The following NFATC2 variants were observed in gnomAD, a reference collection of about 807,000 sequenced individuals.
The protein encoded by NFATC2 is nuclear factor of activated T cells 2.
In NFATC2, 22 loss-of-function variants were observed where a neutral mutation model predicts 87.3. The ratio of observed to expected loss-of-function variants is 0.25; its 90% confidence interval spans 0.18 to 0.36. The LOEUF is 0.36. NFATC2 is among the 10% of genes least tolerant of loss of function. The probability of loss-of-function intolerance (pLI) is 1.00; values close to 1 mark genes in which losing one functional copy is unlikely to be tolerated. For synonymous variants in NFATC2, 565 were observed against 542.2 expected, an observed-to-expected ratio of 1.04 and a Z score of -0.58; for missense variants, 1,149 against 1,259.1, an observed-to-expected ratio of 0.91 and a Z score of 1.32.
At chr20:51,505,327 G>A (rs1215318604) in intron 3 of NFATC2, among the ~76,000 whole-genome samples, 2 of 151,344 alleles carry the variant, frequency 1.3e-5, no homozygotes, top group Admixed American at 1.3e-4. Flanking sequence ...GCCATTTCCT[G>A]TACTTTTAAA....
rs142447306 is a variant in NFATC2, at chr20:51,472,199, G to A, written c.1708+1781C>T. ...GAACCCGGGAGGTAGAAGTTGCAGT[G>A]AGCCAAGATCGCACCACGGCACTCC... On this transcript the variant is annotated intron_variant, in intron 5 of 10. Coordinates refer to ENST00000371564, the MANE Select transcript of NFATC2 (RefSeq NM_012340.5). Among the ~76,000 whole-genome samples, 118 of 152,324 alleles carry A rather than the reference G, an allele frequency of 7.7e-4. 1 individual carries two copies. Among genetic ancestry groups the A allele is most frequent in the African/African-American group, 2.6e-3 (106 of 41,564 alleles).
At chr20:51,409,992 C>T (rs563507669) in intron 9 of NFATC2, among the ~76,000 whole-genome samples, 1 of 152,216 alleles carries the variant, frequency 6.6e-6, no homozygotes, top group East Asian at 1.9e-4. Context: ...GGGCGGATCA[C>T]GAGGTCAGGA....
chr20:51,447,462 C>T (rs1026548949), intron 6 of NFATC2, among the ~76,000 whole-genome samples: 5 of 152,358 alleles, frequency 3.3e-5, no homozygotes, highest in South Asian at 2.1e-4. Context: ...GAAGGATTTA[C>T]CAGCCGAAAA....
chr20:51,504,479 C>A (rs2076143894), intron 3 of NFATC2, among the ~76,000 whole-genome samples: 1 of 152,128 alleles, frequency 6.6e-6, no homozygotes, highest in East Asian at 1.9e-4. Flanking sequence ...AATGAGAGCC[C>A]CCAGGAGCAA....
rs758481326 is a variant in NFATC2, at chr20:51,523,182, C to T, written c.1059G>A (p.Gly353=). The T allele has an allele frequency of 2.0e-5, 32 of 1,614,072 alleles. No individual in the cohort carries two copies. In the Admixed American group the frequency reaches 5.2e-4, roughly 26 times the overall value. Residue 353 remains glycine (G), a synonymous_variant, in exon 2 of 11, where the codon GGG becomes GGA. Coordinates refer to ENST00000371564, the MANE Select transcript of NFATC2 (RefSeq NM_012340.5). This position sits in a 1 kb window ranked among gnomAD's most constrained non-coding sequence, Gnocchi z 6.9. ...TTCTCCTCTCGCCCTGCTCGCAGGG[C>T]CCCAGGAACTCCACGGCCGGGTAGA... is the stretch of plus-strand genomic sequence containing the variant. ...RHIYPAVEFL[G]PCEQGERRNS...
chr20:51,543,709 A>G (rs73910706), upstream of NFATC2, among the ~76,000 whole-genome samples: 352 of 152,268 alleles, frequency 2.3e-3, 1 homozygote, highest in African/African-American at 7.7e-3. Context: ...GTGAATGTGT[A>G]TTTTTAATTA....
At chr20:51,395,335 TTTAA>T (rs1360393955) in intron 10 of NFATC2, among the ~76,000 whole-genome samples, 2 of 51,198 alleles carry the variant, frequency 3.9e-5, no homozygotes, top group Non-Finnish European at 7.7e-5. Flanking sequence ...GTATTGATCC[TTTAA>T]TTAACTTGTA....
At chr20:51,554,968 C>G (rs1156537657) in intron 1 of NFATC2, among the ~76,000 whole-genome samples, 1 of 152,138 alleles carries the variant, frequency 6.6e-6, no homozygotes, top group African/African-American at 2.4e-5. Context: ...CCCCTAGGTA[C>G]CAAAGCCAGG....
At chr20:51,487,570 G>A (rs1327034299) in intron 3 of NFATC2, among the ~76,000 whole-genome samples, 5 of 152,212 alleles carry the variant, frequency 3.3e-5, no homozygotes, top group African/African-American at 1.2e-4. Flanking sequence ...AGAGACATCT[G>A]GATGAGCCAT....
chr20:51,440,925 G>A (rs905600907), intron 6 of NFATC2, among the ~76,000 whole-genome samples: 3 of 152,182 alleles, frequency 2.0e-5, no homozygotes, highest in Non-Finnish European at 4.4e-5. Context: ...CTGGGCTTTC[G>A]CCTGGAGAAC....
chr20:51,400,145 C>T (rs951194876), intron 9 of NFATC2, among the ~76,000 whole-genome samples: 2 of 152,150 alleles, frequency 1.3e-5, no homozygotes, highest in Non-Finnish European at 2.9e-5. Context: ...AAACCAACAA[C>T]CTCCACTGCC....
At position 51,435,731 on chromosome 20, in the gene NFATC2, G is replaced by C. The variant is rs150751377; in HGVS notation, c.1880C>G (p.Thr627Arg). Residue 627 changes from threonine (T) to arginine (R), a missense_variant, in exon 7 of 11, where the codon ACG (threonine) becomes AGG (arginine). Thr to Arg is a moderately conservative substitution (Grantham distance 71, BLOSUM62 -1). Transcript: ENST00000371564. ...DGQQIWEMEA[T>R]VDKDKSQPNM... ...GGGCTGGCTCTTGTCCTTATCCACC[G>C]TGGCTTCCATCTCCCAAATTTGCTG... 6.2e-6 allele frequency: 10 copies of C among 1,608,846 alleles called. No individual in the cohort carries two copies. The highest frequency in any genetic ancestry group is 3.4e-6 in the Non-Finnish European group (4 of 1,177,446).
intron 9 of NFATC2, among the ~76,000 whole-genome samples, chr20:51,409,174 C>G (rs1978819469): frequency 6.6e-6 from 1 of 152,174 alleles, no homozygotes; most frequent in Admixed American, 6.5e-5. Flanking sequence ...AATTTGGTAT[C>G]GTCTACTAAA....
intron 3 of NFATC2, among the ~76,000 whole-genome samples, chr20:51,508,460 T>C (rs1003976886): frequency 1.3e-5 from 2 of 152,130 alleles, no homozygotes; most frequent in African/African-American, 2.4e-5. Flanking sequence ...TGGTTTGGAC[T>C]GTAGTCTTTT....
chr20:51,505,523 T>A (rs908049500), intron 3 of NFATC2, among the ~76,000 whole-genome samples: 1 of 152,016 alleles, frequency 6.6e-6, no homozygotes, highest in Non-Finnish European at 1.5e-5. Flanking sequence ...TGTGTATACA[T>A]ATACACATGC....
chr20:51,516,356 C>A (rs1337007948), intron 3 of NFATC2, among the ~76,000 whole-genome samples: 1 of 152,108 alleles, frequency 6.6e-6, no homozygotes, highest in Non-Finnish European at 1.5e-5. Flanking sequence ...ACTAATATAG[C>A]TATTTTAGGT....
Position 51,474,035 on chromosome 20 carries a change from T to C in NFATC2, c.1653A>G (p.Pro551=). The change falls in exon 5 of 11, where the codon CCA becomes CCG. Residue 551 remains proline (P), a synonymous_variant. Coordinates refer to ENST00000371564, the MANE Select transcript of NFATC2 (RefSeq NM_012340.5). ...AAGAGACGATTCTGCCACTGGACTCTGGGATGTGAACTCGGAAAACCAGTC... is the reference window on the plus strand; with the variant it reads ...AAGAGACGATTCTGCCACTGGACTCCGGGATGTGAACTCGGAAAACCAGTC... The part of the protein sequence containing the change: ...RVRLVFRVHI[P]ESSGRIVSLQ... The C allele has an allele frequency of 2.5e-6, 4 of 1,614,278 alleles. No homozygotes were observed. The highest frequency in any genetic ancestry group is 3.4e-6 in the Non-Finnish European group (4 of 1,180,048).
chr20:51,471,727 G>A lies in NFATC2; in HGVS notation c.1708+2253C>T, dbSNP rs539468321. ...TCCCAACCTCTTCTGCAGAAAATAC[G>A]CTTTCCCTTTGCATGTTAGTCTTCA... is the stretch of plus-strand genomic sequence containing the variant. On this transcript the variant is annotated intron_variant, in intron 5 of 10. Transcript: ENST00000371564. 4.6e-5 allele frequency among the ~76,000 whole-genome samples: 7 copies of A among 152,292 alleles called. No individual in the cohort carries two copies. The East Asian group carries it at 5.8e-4, about 13-fold the overall frequency.
chr20:51,463,865 T>A (rs1005563871), intron 5 of NFATC2, among the ~76,000 whole-genome samples: 1 of 152,148 alleles, frequency 6.6e-6, no homozygotes, highest in African/African-American at 2.4e-5. Flanking sequence ...TGTGGGTACA[T>A]CGTAGGTGTT....
Sources: gnomAD v4.1 joint callset for allele counts (sites outside exome capture counted in the v4.1 genomes callset) on GRCh38, gnomAD v4.1.1 for gene constraint, Gnocchi (gnomAD v3.1) non-coding constraint, MANE v1.5 for transcripts, NCBI Gene and HGNC (gene_info 2026-07-23, HGNC 2026-07-21) for gene names.